The following SMAP1 variants were observed in gnomAD, a reference collection of about 807,000 sequenced individuals.
SMAP1 encodes the protein stromal membrane-associated protein 1.
Under a neutral mutation model 58.5 loss-of-function variants are expected in SMAP1, and 24 were observed. The observed-to-expected ratio is 0.41, with a 90% CI of 0.30 to 0.58. The LOEUF is 0.58. SMAP1 is among the 20% of genes least tolerant of loss of function. The pLI is 0.29. For synonymous variants in SMAP1, 216 were observed against 196.6 expected (o/e 1.10, Z -0.82); for missense variants, 563 against 566.3 (o/e 0.99, Z 0.06).
At chr6:70,720,495 G>T (rs1287069874) in intron 1 of SMAP1, among the ~76,000 whole-genome samples, 1 of 152,172 alleles carries the variant, frequency 6.6e-6, no homozygotes, top group Non-Finnish European at 1.5e-5. Context: ...AGCTCCACTA[G>T]GTGGTGCCCC....
At chr6:70,761,474 G>A (rs1265390482) in intron 3 of SMAP1, among the ~76,000 whole-genome samples, 3 of 151,960 alleles carry the variant, frequency 2.0e-5, no homozygotes, top group African/African-American at 7.2e-5. Context: ...TATCTCAAAT[G>A]ACTTCTGGAG....
At chr6:70,850,891 G>T (rs1388079604) in intron 7 of SMAP1, among the ~76,000 whole-genome samples, 1 of 151,982 alleles carries the variant, frequency 6.6e-6, no homozygotes, top group Non-Finnish European at 1.5e-5. Flanking sequence ...CTTTAAGGAG[G>T]TCTAACTTTA....
chr6:70,850,178 CAT>C, intron 7 of SMAP1, among the ~76,000 whole-genome samples: 1 of 152,138 alleles, frequency 6.6e-6, no homozygotes, highest in Non-Finnish European at 1.5e-5. Context: ...AGTAATAAGA[CAT>C]AGCATTGGTT....
chr6:70,784,424 A>G (rs1174702299), intron 4 of SMAP1, among the ~76,000 whole-genome samples: 1 of 152,214 alleles, frequency 6.6e-6, no homozygotes, highest in African/African-American at 2.4e-5. Flanking sequence ...CTAACATCAT[A>G]ATGACAGGAT....
chr6:70,844,436 C>T (rs1770915492), intron 7 of SMAP1, among the ~76,000 whole-genome samples: 1 of 152,106 alleles, frequency 6.6e-6, no homozygotes, highest in African/African-American at 2.4e-5. Flanking sequence ...AGAGAATCCC[C>T]TGATCAAAAG....
intron 1 of SMAP1, among the ~76,000 whole-genome samples, chr6:70,731,548 C>G (rs1765433519): frequency 6.6e-6 from 1 of 152,214 alleles, no homozygotes; most frequent in East Asian, 1.9e-4. Flanking sequence ...CTGATCACAT[C>G]CTCTTTCCTT....
At chr6:70,778,921 C>T (rs1440931792) in intron 4 of SMAP1, among the ~76,000 whole-genome samples, 1 of 152,224 alleles carries the variant, frequency 6.6e-6, no homozygotes, top group Non-Finnish European at 1.5e-5. Context: ...TTCCTCAGTC[C>T]TGTCCACTGC....
intron 1 of SMAP1, among the ~76,000 whole-genome samples, chr6:70,680,669 A>G (rs1766662711): frequency 6.6e-6 from 1 of 151,450 alleles, no homozygotes; most frequent in Non-Finnish European, 1.5e-5. Context: ...GAATCCATAC[A>G]CAAAAGACAA....
chr6:70,842,374 G>T (rs1770836257), intron 7 of SMAP1, among the ~76,000 whole-genome samples: 1 of 152,160 alleles, frequency 6.6e-6, no homozygotes, highest in African/African-American at 2.4e-5. Context: ...ATATATTGGT[G>T]TAAGGTAACT....
At chr6:70,766,516 G>C (rs145553529) in intron 3 of SMAP1, among the ~76,000 whole-genome samples, 4 of 151,994 alleles carry the variant, frequency 2.6e-5, no homozygotes, top group African/African-American at 2.4e-5. Context: ...GCATTTTTTC[G>C]TGTGTTTTTT....
chr6:70,668,357 A>G (rs905445005), intron 1 of SMAP1, among the ~76,000 whole-genome samples: 5 of 152,094 alleles, frequency 3.3e-5, no homozygotes, highest in Non-Finnish European at 7.4e-5. Context: ...AGGCCCTGTC[A>G]GTGGCCCCAG....
intron 5 of SMAP1, among the ~76,000 whole-genome samples, chr6:70,795,895 G>A (rs539223780): frequency 2.6e-5 from 4 of 151,866 alleles, no homozygotes; most frequent in East Asian, 1.9e-4. Context: ...CCGCCACCAC[G>A]CCCGGCTAAT....
chr6:70,722,863 C>T (rs963455270), intron 1 of SMAP1, among the ~76,000 whole-genome samples: 2 of 152,188 alleles, frequency 1.3e-5, no homozygotes, highest in Admixed American at 6.5e-5. Flanking sequence ...TCCGGTAAAC[C>T]CACAACCTTC....
chr6:70,742,445 C>T (rs1019194144), intron 2 of SMAP1, among the ~76,000 whole-genome samples: 7 of 152,202 alleles, frequency 4.6e-5, no homozygotes, highest in East Asian at 1.9e-4. Flanking sequence ...ACCTTTACTC[C>T]GGTTCCCAAC....
intron 1 of SMAP1, 24 bp from the exon 2 acceptor site, chr6:70,732,354 T>C: frequency 1.3e-6 from 2 of 1,593,882 alleles, no homozygotes; most frequent in Non-Finnish European, 1.7e-6. Flanking sequence ...TTGCTTTTTT[T>C]TGTGGTTTCT....
intron 1 of SMAP1, among the ~76,000 whole-genome samples, chr6:70,675,995 C>G (rs1766467072): frequency 1.3e-5 from 2 of 152,170 alleles, no homozygotes. Context: ...CCCTAATAAC[C>G]TTTGGCACTG....
At chr6:70,735,622 A>G (rs1475541318) in intron 2 of SMAP1, among the ~76,000 whole-genome samples, 1 of 152,180 alleles carries the variant, frequency 6.6e-6, no homozygotes, top group African/African-American at 2.4e-5. Flanking sequence ...TACGAAAATT[A>G]GCAGGGTGTG....
At chr6:70,812,150 AG>A (rs1769419267) in intron 6 of SMAP1, among the ~76,000 whole-genome samples, 1 of 152,202 alleles carries the variant, frequency 6.6e-6, no homozygotes, top group Non-Finnish European at 1.5e-5. Context: ...ACGTTAGGTA[AG>A]GGGGACTGCT....
chr6:70,762,806 G>A (rs1766807664), intron 3 of SMAP1, among the ~76,000 whole-genome samples: 1 of 152,012 alleles, frequency 6.6e-6, no homozygotes, highest in African/African-American at 2.4e-5. Context: ...ACTTCCTAGA[G>A]ATAAGTTCTG....
Sources: allele counts gnomAD v4.1 joint callset (sites outside exome capture counted in the v4.1 genomes callset), GRCh38; gene constraint gnomAD v4.1.1; transcripts MANE v1.5; gene names NCBI Gene and HGNC (gene_info 2026-07-23, HGNC 2026-07-21).